Variants in TMEM214 observed in about 807,000 individuals in gnomAD.
The protein encoded by TMEM214 is transmembrane protein 214.
Under a neutral mutation model 89.8 loss-of-function variants are expected in TMEM214, and 71 were observed. The observed-to-expected ratio is 0.79, with a 90% CI of 0.65 to 0.96. The LOEUF (loss-of-function observed/expected upper bound fraction) is 0.96, where lower values mean the gene tolerates loss of function less well. Among genes scored for constraint, TMEM214 ranks in the 40% least tolerant of loss-of-function variants. The pLI is 0.00. For missense variants in TMEM214, 754 were observed against 843.4 expected (o/e 0.89, Z 1.31); for synonymous variants, 332 against 349.5 (o/e 0.95, Z 0.56).
Position 27,035,727 on chromosome 2 carries a change from A to C in TMEM214, c.636A>C (p.Pro212=), listed in dbSNP as rs1342792860. Residue 212 remains proline (P), a splice_region_variant and synonymous_variant, in exon 4 of 17, where the codon CCA becomes CCC. Coordinates refer to ENST00000238788, the MANE Select transcript of TMEM214 (RefSeq NM_017727.5). ...FTMLQELDKT[P]GESLHGYRIC... Reference sequence around the variant, plus strand: ...TGTTGCAAGAGCTGGATAAGACACCAGGTGAAAGGGGCACGGGAGGGATGA... The same window carrying C: ...TGTTGCAAGAGCTGGATAAGACACCCGGTGAAAGGGGCACGGGAGGGATGA... The C allele has an allele frequency of 6.2e-7, 1 of 1,614,088 alleles. No homozygotes were observed. Among genetic ancestry groups the C allele is most frequent in the Non-Finnish European group, 8.5e-7 (1 of 1,180,030 alleles).
Position 27,038,983 on chromosome 2 carries a change from T to C in TMEM214, c.1408-64T>C. Reference sequence around the variant, plus strand: ...TTTCGGGAAGGCCTGGCTTGAGGTCTGCCCTCAGAGGCAAAGACCAGCCCC... The same window carrying C: ...TTTCGGGAAGGCCTGGCTTGAGGTCCGCCCTCAGAGGCAAAGACCAGCCCC... On this transcript the variant is annotated intron_variant, in intron 12 of 16. Coordinates refer to ENST00000238788, the MANE Select transcript of TMEM214 (RefSeq NM_017727.5). This position sits in a 1 kb window ranked among gnomAD's most constrained non-coding sequence, Gnocchi z 4.4. 2 of 1,565,726 alleles carry C rather than the reference T, an allele frequency of 1.3e-6. No homozygotes were observed. The highest frequency in any genetic ancestry group is 1.8e-6 in the Non-Finnish European group (2 of 1,140,118).
At position 27,040,477 on chromosome 2, in the gene TMEM214, C is replaced by T. The variant is rs762003161; in HGVS notation, c.1924C>T (p.His642Tyr). Residue 642 changes from histidine to tyrosine, a missense_variant, in exon 16 of 17, where the codon CAC becomes TAC. His to Tyr is a moderately conservative substitution (Grantham distance 83, BLOSUM62 2). Transcript: ENST00000238788. The stretch of plus-strand genomic sequence containing the variant: ...TGAGGCCCTGGCCTGGGCCCAGGAG[C>T]ACTGCCATGAGGCATGCAGGTGAGA... ...LLEALAWAQE[H>Y]CHEACRGEVT... 1 of 1,613,940 alleles carries T rather than the reference C, an allele frequency of 6.2e-7. No individual in the cohort carries two copies. Among genetic ancestry groups the T allele is most frequent in the Non-Finnish European group, 8.5e-7 (1 of 1,180,034 alleles).
At chr2:27,037,759 C>T (rs762276716) in intron 9 of TMEM214, 57 bp downstream of exon 9, 1 of 1,613,884 alleles carries the variant, frequency 6.2e-7, no homozygotes, top group Non-Finnish European at 8.5e-7. Context: ...GTAGCGGTCC[C>T]TATCTGCTGA....
chr2:27,035,162 C>A lies in TMEM214; in HGVS notation c.379C>A (p.Leu127Met). ...ALDVADLQKELDKSQSVFSGN... is the reference protein window; with the variant it reads ...ALDVADLQKEMDKSQSVFSGN... ...GGATGTGGCAGACCTGCAGAAGGAACTGGACAAGAGCCAGAGTGTGTTCTC... is the reference window on the plus strand; with the variant it reads ...GGATGTGGCAGACCTGCAGAAGGAAATGGACAAGAGCCAGAGTGTGTTCTC... Residue 127 changes from leucine (L) to methionine (M), a missense_variant, in exon 3 of 17, where the codon CTG becomes ATG. Physicochemically the swap from Leu to Met is conservative, Grantham distance 15. Transcript: ENST00000238788. 6.2e-7 allele frequency: 1 copy of A among 1,614,122 alleles called. No individual in the cohort carries two copies. Among genetic ancestry groups the A allele is most frequent in the Non-Finnish European group, 8.5e-7 (1 of 1,180,024 alleles).
In TMEM214 at chr2:27,037,550, A is replaced by T; in HGVS notation, c.1011-11A>T. The T allele has an allele frequency of 6.2e-7, 1 of 1,613,528 alleles. No individual in the cohort carries two copies. The highest frequency in any genetic ancestry group is 8.5e-7 in the Non-Finnish European group (1 of 1,179,914). On this transcript the variant is annotated splice_polypyrimidine_tract_variant and intron_variant, in intron 8 of 16. Transcript: ENST00000238788. ...TAGCTTATGCCTGTCTTTCCTCCCC[A>T]CCCCACCCAGCCTGCAGGAGCAGCT... is the stretch of plus-strand genomic sequence containing the variant.
intron 14 of TMEM214, 50 bp downstream of exon 14, chr2:27,039,887 G>A: frequency 6.8e-7 from 1 of 1,476,840 alleles, no homozygotes; most frequent in East Asian, 2.5e-5. Flanking sequence ...GAGAAGGCCT[G>A]GGTGTCAGGG....
intron 1 of TMEM214, 96 bp from the exon 2 acceptor site, chr2:27,033,971 A>G: frequency 3.0e-6 from 4 of 1,332,532 alleles, no homozygotes; most frequent in Non-Finnish European, 4.2e-6. Flanking sequence ...TTCCCTGGAG[A>G]TGAATTAGGT....
At position 27,034,186 on chromosome 2, in the gene TMEM214, C is replaced by T; in HGVS notation, c.271C>T (p.Gln91Ter). 1 of 1,614,216 alleles carries T rather than the reference C, an allele frequency of 6.2e-7. No homozygotes were observed. The highest frequency in any genetic ancestry group is 8.5e-7 in the Non-Finnish European group (1 of 1,180,044). ...VEPKKPGNKK[Q>*]PKKVATPPNQ... ...ACCTAAGAAACCAGGGAACAAGAAG[C>T]AGCCAAAGAAGGTGGCAACTCCTCC... Residue 91 changes from glutamine to a stop codon, truncating the protein, a stop_gained, in exon 2 of 17, where the codon CAG becomes TAG. Coordinates refer to ENST00000238788, the MANE Select transcript of TMEM214 (RefSeq NM_017727.5). LOFTEE classifies it high-confidence loss of function.
At position 27,034,240 on chromosome 2, in the gene TMEM214, C is replaced by T. The variant is rs753415521; in HGVS notation, c.325C>T (p.Arg109Cys). The T allele has an allele frequency of 6.9e-5, 111 of 1,613,894 alleles. No homozygotes were observed. Among genetic ancestry groups the T allele is most frequent in the South Asian group, 7.7e-5 (7 of 91,066 alleles). Residue 109 changes from arginine to cysteine, a missense_variant, in exon 2 of 17, where the codon CGC becomes TGC. By Grantham distance (180) the Arg-to-Cys change is radical. Transcript: ENST00000238788. ...CCAAAACCAGAAGCAGGGCCGCTTCCGCAGCCTGGAGGAAGCACTGAAAGC... is the reference window on the plus strand; with the variant it reads ...CCAAAACCAGAAGCAGGGCCGCTTCTGCAGCCTGGAGGAAGCACTGAAAGC... The part of the protein sequence containing the change: ...PNQNQKQGRF[R>C]SLEEALKALD...
At chr2:27,040,548 G>T (rs781416528) in intron 16 of TMEM214, 52 bp downstream of exon 16, 3 of 1,600,412 alleles carry the variant, frequency 1.9e-6, no homozygotes, top group Admixed American at 1.7e-5. Flanking sequence ...CCCATTCCCG[G>T]GCCCCAGGGA....
rs1300551803 is a variant in TMEM214, at chr2:27,040,470, C to G, written c.1917C>G (p.Ala639=). 3 of 1,613,902 alleles carry G rather than the reference C, an allele frequency of 1.9e-6. No individual in the cohort carries two copies. In the African/African-American group the frequency reaches 4.0e-5, roughly 22 times the overall value. ...WHLLLEALAW[A]QEHCHEACRG... is the part of the protein sequence containing the mutation. ...TCTTGCTTGAGGCCCTGGCCTGGGC[C>G]CAGGAGCACTGCCATGAGGCATGCA... Residue 639 remains alanine (A), a synonymous_variant, in exon 16 of 17, where the codon GCC becomes GCG. Coordinates refer to ENST00000238788, the MANE Select transcript of TMEM214 (RefSeq NM_017727.5).
At position 27,041,039 on chromosome 2, in the gene TMEM214, T is replaced by C; in HGVS notation, c.*202T>C. On this transcript the variant is annotated 3_prime_UTR_variant, in exon 17 of 17. Transcript: ENST00000238788. ...AGCATCTCAGCCTCCTACCCACAAT[T>C]CCACTGAACACTTTTCTGGCCCTAC... 1 of 613,174 alleles carries C rather than the reference T, an allele frequency of 1.6e-6. No individual in the cohort carries two copies. Among genetic ancestry groups the C allele is most frequent in the South Asian group, 2.1e-5 (1 of 46,976 alleles). 38.0% of individuals were successfully genotyped at this position (613,174 alleles called of 1,614,324 possible).
chr2:27,040,024 C>A lies in TMEM214; in HGVS notation c.1623-6C>A. ...AGCCCTCTTCCCCCACTTCCATCTT[C>A]CACAGCTGGCTGGGGGAGACACTGC... On this transcript the variant is annotated splice_polypyrimidine_tract_variant and splice_region_variant and intron_variant, in intron 14 of 16. Coordinates refer to ENST00000238788, the MANE Select transcript of TMEM214 (RefSeq NM_017727.5). 6.2e-7 allele frequency: 1 copy of A among 1,602,192 alleles called. No individual in the cohort carries two copies. Among genetic ancestry groups the A allele is most frequent in the Admixed American group, 1.7e-5 (1 of 59,958 alleles).
intron 13 of TMEM214, 54 bp from the exon 14 acceptor site, chr2:27,039,687 C>T (rs1402824180): frequency 6.8e-6 from 10 of 1,478,138 alleles, no homozygotes; most frequent in Non-Finnish European, 9.5e-6. Context: ...GTGTCTGTCT[C>T]CCCAGTCCCT....
rs1255137231 is a variant in TMEM214 at position 27,038,436 on chromosome 2, G to C, written c.1245-48G>C. On this transcript the variant is annotated intron_variant, in intron 10 of 16. Transcript: ENST00000238788. The surrounding 1 kb of genome is among the most constrained non-coding windows in gnomAD (Gnocchi z 4.4). ...GGGCTAATGGAGGACAGGAGGATGG[G>C]TGAGGCTGCGCGAGCCACCTGACTA... is the stretch of plus-strand genomic sequence containing the variant. 2.5e-6 allele frequency: 4 copies of C among 1,611,034 alleles called. No homozygotes were observed. The East Asian group carries it at 8.9e-5, about 36-fold the overall frequency.
intron 4 of TMEM214, 76 bp downstream of exon 4, chr2:27,035,804 TTC>T: frequency 6.2e-7 from 1 of 1,605,186 alleles, no homozygotes; most frequent in African/African-American, 1.3e-5. Context: ...CACTCAGTGG[TTC>T]TGTTTCCAGC....
intron 2 of TMEM214, 149 bp downstream of exon 2, chr2:27,034,415 C>G (rs1029578894): frequency 4.7e-6 from 4 of 853,728 alleles, no homozygotes; most frequent in Non-Finnish European, 7.1e-6. Context: ...GATGGAAACC[C>G]CAGGGGAACA....
Position 27,040,019 on chromosome 2 carries a change from A to C in TMEM214, c.1623-11A>C, listed in dbSNP as rs760620151. The C allele has an allele frequency of 4.4e-6, 7 of 1,601,170 alleles. No homozygotes were observed. Among genetic ancestry groups the C allele is most frequent in the South Asian group, 2.2e-5 (2 of 90,970 alleles). ...CTCAGAGCCCTCTTCCCCCACTTCC[A>C]TCTTCCACAGCTGGCTGGGGGAGAC... On this transcript the variant is annotated splice_polypyrimidine_tract_variant and intron_variant, in intron 14 of 16. Coordinates refer to ENST00000238788, the MANE Select transcript of TMEM214 (RefSeq NM_017727.5).
rs1159512190 is a variant in TMEM214, at chr2:27,037,691, A to T, written c.1141A>T (p.Met381Leu). 6.2e-7 allele frequency: 1 copy of T among 1,613,904 alleles called. No homozygotes were observed. Among genetic ancestry groups the T allele is most frequent in the Non-Finnish European group, 8.5e-7 (1 of 1,180,002 alleles). Residue 381 changes from methionine (M) to leucine (L), a missense_variant, in exon 9 of 17, where the codon ATG becomes TTG. Coordinates refer to ENST00000238788, the MANE Select transcript of TMEM214 (RefSeq NM_017727.5). The part of the protein sequence containing the change: ...SRATPSCPPE[M>L]KKELLSSLTE... Reference sequence around the variant, plus strand: ...AGCCACCCCTAGCTGTCCCCCTGAGATGAAGAAAGAGGTGAGGATATGGTG... The same window carrying T: ...AGCCACCCCTAGCTGTCCCCCTGAGTTGAAGAAAGAGGTGAGGATATGGTG...
Sources: allele counts gnomAD v4.1 joint callset, GRCh38; gene constraint gnomAD v4.1.1; non-coding constraint Gnocchi (gnomAD v3.1); transcripts MANE v1.5; gene names NCBI Gene and HGNC (gene_info 2026-07-23, HGNC 2026-07-21).